The following MLIP variants were observed in gnomAD, a reference collection of about 807,000 sequenced individuals.
The protein encoded by MLIP is muscular LMNA-interacting protein.
Under a neutral mutation model 84.8 loss-of-function variants are expected in MLIP, and 79 were observed. That is an observed-to-expected ratio of 0.93 (90% CI 0.78 to 1.12). MLIP has a LOEUF of 1.12. Ranked by LOEUF, MLIP falls within the 50% of genes most tolerant of loss-of-function variation. The pLI is 0.00. For synonymous variants in MLIP, 504 were observed against 463.0 expected, an observed-to-expected ratio of 1.09 and a Z score of -1.14; for missense variants, 1,257 against 1,160.6, an observed-to-expected ratio of 1.08 and a Z score of -1.21.
chr6:54,084,815 G>C (rs1767382185), intron 1 of MLIP, among the ~76,000 whole-genome samples: 1 of 152,156 alleles, frequency 6.6e-6, no homozygotes, highest in African/African-American at 2.4e-5. Flanking sequence ...CAAATGGATG[G>C]TGGATAAAAG....
At chr6:54,140,833 G>C (rs1206393689) in intron 4 of MLIP, among the ~76,000 whole-genome samples, 1 of 152,164 alleles carries the variant, frequency 6.6e-6, no homozygotes, top group African/African-American at 2.4e-5. Context: ...CAGAATGATA[G>C]GAAGAAATAG....
Position 54,160,558 on chromosome 6 carries a change from T to C in MLIP, c.2398T>C (p.Cys800Arg), listed in dbSNP as rs763411165. The C allele has an allele frequency of 1.2e-6, 2 of 1,612,558 alleles. No individual in the cohort carries two copies. The highest frequency in any genetic ancestry group is 2.2e-5 in the South Asian group (2 of 91,004). The stretch of plus-strand genomic sequence containing the variant: ...GCTCAGGCAGCAAACTGAAGAGCTC[T>C]GTGCTACCATTGATAAGGTCTTACA... The part of the protein sequence containing the change: ...AQLRQQTEEL[C>R]ATIDKVLQDS... Residue 800 changes from cysteine to arginine, a missense_variant, in exon 7 of 14, where the codon TGT becomes CGT. Cys to Arg is a radical substitution (Grantham distance 180). Coordinates refer to ENST00000502396, the MANE Select transcript of MLIP (RefSeq NM_001281747.2).
intron 5 of MLIP, among the ~76,000 whole-genome samples, chr6:54,155,795 A>C (rs190492917): frequency 7.8e-4 from 118 of 152,134 alleles, no homozygotes; most frequent in African/African-American, 2.7e-3. Flanking sequence ...TATGAGATTT[A>C]TTTGGTATCT....
At chr6:54,200,092 G>C (rs1778564632) in intron 10 of MLIP, among the ~76,000 whole-genome samples, 1 of 152,134 alleles carries the variant, frequency 6.6e-6, no homozygotes, top group South Asian at 2.1e-4. Context: ...ATCAGTAACA[G>C]ACTCTGATAC....
At chr6:54,023,744 AT>A (rs1763642794) in intron 1 of MLIP, among the ~76,000 whole-genome samples, 1 of 151,294 alleles carries the variant, frequency 6.6e-6, no homozygotes. Flanking sequence ...TAATTTTTGT[AT>A]TTTTAGTAGA....
At chr6:54,265,321 A>G (rs576281928) in intron 13 of MLIP, among the ~76,000 whole-genome samples, 1 of 152,180 alleles carries the variant, frequency 6.6e-6, no homozygotes, top group East Asian at 1.9e-4. Flanking sequence ...AATTAAGTTT[A>G]TCTTATCTGT....
chr6:54,239,800 AAAAAT>A (rs575220785), intron 12 of MLIP, among the ~76,000 whole-genome samples: 72 of 150,578 alleles, frequency 4.8e-4, no homozygotes, highest in Admixed American at 1.7e-3. Flanking sequence ...ATAAAAAATA[AAAAAT>A]AAAATAAAAT....
intron 11 of MLIP, among the ~76,000 whole-genome samples, chr6:54,227,836 G>T (rs1045448366): frequency 1.3e-5 from 2 of 152,004 alleles, no homozygotes; most frequent in Admixed American, 1.3e-4. Flanking sequence ...GCTCCTTTAG[G>T]GTCCAGTCAA....
At chr6:54,260,152 C>A (rs74988729) in intron 13 of MLIP, among the ~76,000 whole-genome samples, 4,812 of 151,982 alleles carry the variant, frequency 0.032, 246 homozygotes, top group African/African-American at 0.11. Context: ...TTTGTAGATA[C>A]TACCTTTTTA....
intron 12 of MLIP, among the ~76,000 whole-genome samples, chr6:54,241,857 A>G (rs1291267076): frequency 1.3e-5 from 2 of 152,108 alleles, no homozygotes. Flanking sequence ...AAATAGATGT[A>G]TTTTCAGTTC....
intron 1 of MLIP, chr6:54,046,547 C>T (rs1765065112): frequency 1.3e-5 from 2 of 152,110 alleles, no homozygotes; most frequent in African/African-American, 4.8e-5. Flanking sequence ...TATTTAATAT[C>T]TCCATGGTTT....
chr6:54,180,142 A>T (rs937543448), intron 9 of MLIP, among the ~76,000 whole-genome samples: 2 of 152,094 alleles, frequency 1.3e-5, no homozygotes, highest in East Asian at 3.9e-4. Flanking sequence ...ATGCCATGTG[A>T]CTATCTCCTG....
chr6:54,052,701 A>T (rs1765443226), intron 1 of MLIP, among the ~76,000 whole-genome samples: 1 of 152,180 alleles, frequency 6.6e-6, no homozygotes, highest in Admixed American at 6.5e-5. Context: ...AATTATAAGG[A>T]AAAAATTATA....
chr6:54,186,067 T>A (rs2754800), intron 9 of MLIP, among the ~76,000 whole-genome samples: 143,484 of 152,186 alleles, frequency 0.94, 68,209 homozygotes, highest in East Asian at 1. Flanking sequence ...AAAACAAACA[T>A]TGTTAGACAC....
chr6:54,145,361 A>T (rs759574493), intron 4 of MLIP, among the ~76,000 whole-genome samples: 5 of 152,200 alleles, frequency 3.3e-5, no homozygotes, highest in Non-Finnish European at 7.4e-5. Flanking sequence ...AACCCAGAGG[A>T]AAAACAGTGG....
intron 1 of MLIP, among the ~76,000 whole-genome samples, chr6:54,071,834 T>C (rs1045677734): frequency 5.3e-5 from 8 of 152,210 alleles, no homozygotes; most frequent in Admixed American, 4.6e-4. Flanking sequence ...AAACCAAGCC[T>C]ACTGCACATG....
chr6:54,090,714 A>G (rs1474358802), intron 1 of MLIP, among the ~76,000 whole-genome samples: 1 of 149,656 alleles, frequency 6.7e-6, no homozygotes, highest in African/African-American at 2.4e-5. Flanking sequence ...AGAGAGAGGG[A>G]CACACACACA....
chr6:54,060,530 G>C (rs1345446522), intron 1 of MLIP, among the ~76,000 whole-genome samples: 1 of 152,174 alleles, frequency 6.6e-6, no homozygotes, highest in Non-Finnish European at 1.5e-5. Flanking sequence ...GGTCAGAGTT[G>C]TAAGATGTGA....
intron 1 of MLIP, among the ~76,000 whole-genome samples, chr6:54,093,329 A>AATTCAATTCTATTCTATTCT (rs377029001): frequency 1.3e-4 from 18 of 134,078 alleles, no homozygotes; most frequent in African/African-American, 4.8e-4. Context: ...TTTTCGATTA[A>AATTCAATTCTATTCTATTCT]ATTCTATTCT....
Sources: allele counts gnomAD v4.1 joint callset (sites outside exome capture counted in the v4.1 genomes callset), GRCh38; gene constraint gnomAD v4.1.1; transcripts MANE v1.5; gene names NCBI Gene and HGNC (gene_info 2026-07-23, HGNC 2026-07-21).